The following SLC25A13 variants were observed in gnomAD, a reference collection of about 807,000 sequenced individuals.
The protein encoded by SLC25A13 is electrogenic aspartate/glutamate antiporter SLC25A13, mitochondrial.
Under a neutral mutation model 85.5 loss-of-function variants are expected in SLC25A13, and 70 were observed. The observed-to-expected ratio is 0.82, with a 90% CI of 0.68 to 1.00. The LOEUF (loss-of-function observed/expected upper bound fraction) is 1.00. SLC25A13 is among the 50% of genes least tolerant of loss of function. SLC25A13 has a pLI of 0.00. For missense variants in SLC25A13, 765 were observed against 819.8 expected, an observed-to-expected ratio of 0.93 and a Z score of 0.82; for synonymous variants, 259 against 288.7, an observed-to-expected ratio of 0.90 and a Z score of 1.04.
intron 15 of SLC25A13, among the ~76,000 whole-genome samples, chr7:96,130,400 A>C (rs1488070039): frequency 6.6e-6 from 1 of 152,222 alleles, no homozygotes; most frequent in Non-Finnish European, 1.5e-5. Flanking sequence ...GAACTATGCC[A>C]AGTCTTTCAC....
At chr7:96,267,017 T>A (rs1018556511) in intron 3 of SLC25A13, among the ~76,000 whole-genome samples, 1 of 152,244 alleles carries the variant, frequency 6.6e-6, no homozygotes, top group African/African-American at 2.4e-5. Context: ...GAATTTTAGA[T>A]GTTTATCTGA....
chr7:96,201,004 G>A (rs141979071), intron 5 of SLC25A13, among the ~76,000 whole-genome samples: 1 of 152,210 alleles, frequency 6.6e-6, no homozygotes, highest in African/African-American at 2.4e-5. Context: ...CTTCCATTTG[G>A]ACACAAAACA....
chr7:96,319,274 C>T (rs945312821), intron 1 of SLC25A13, among the ~76,000 whole-genome samples: 3 of 152,104 alleles, frequency 2.0e-5, no homozygotes, highest in Non-Finnish European at 2.9e-5. Flanking sequence ...CTCGGCTGGG[C>T]GTGGTGGCTC....
chr7:96,132,321 G>A (rs1354417562), intron 14 of SLC25A13, among the ~76,000 whole-genome samples: 3 of 152,030 alleles, frequency 2.0e-5, no homozygotes, highest in Admixed American at 6.5e-5. Flanking sequence ...GGGGAAAAGG[G>A]GTTTGCTTTT....
chr7:96,178,642 A>T (rs1160869648), intron 11 of SLC25A13, among the ~76,000 whole-genome samples: 1 of 151,868 alleles, frequency 6.6e-6, no homozygotes, highest in Non-Finnish European at 1.5e-5. Context: ...TCCCCGAGAA[A>T]CCCCTTTGCT....
At chr7:96,235,057 C>A in intron 3 of SLC25A13, 140 bp from the exon 4 acceptor site, 1 of 632,940 alleles carries the variant, frequency 1.6e-6, no homozygotes. Flanking sequence ...AAACATTTAG[C>A]ATTTACTTTT....
intron 5 of SLC25A13, among the ~76,000 whole-genome samples, chr7:96,205,200 G>A (rs1012408299): frequency 6.6e-6 from 1 of 152,128 alleles, no homozygotes; most frequent in African/African-American, 2.4e-5. Context: ...GAGCCACCAC[G>A]CCCAGCCCAT....
intron 4 of SLC25A13, among the ~76,000 whole-genome samples, chr7:96,211,982 T>C (rs1480133653): frequency 6.6e-6 from 1 of 152,194 alleles, no homozygotes; most frequent in Non-Finnish European, 1.5e-5. Context: ...AAGGGTTAGA[T>C]TCACTCCTAA....
At chr7:96,312,309 C>T (rs772718142) in intron 1 of SLC25A13, among the ~76,000 whole-genome samples, 1 of 152,174 alleles carries the variant, frequency 6.6e-6, no homozygotes, top group Non-Finnish European at 1.5e-5. Context: ...AGAGCACTTA[C>T]ATGTCATAGG....
At chr7:96,170,501 T>A (rs1793950860) in intron 12 of SLC25A13, among the ~76,000 whole-genome samples, 1 of 152,234 alleles carries the variant, frequency 6.6e-6, no homozygotes. Context: ...CTTTCAAGTC[T>A]TCTAACAAGA....
At chr7:96,154,790 A>G (rs1214650693) in intron 13 of SLC25A13, among the ~76,000 whole-genome samples, 1 of 141,538 alleles carries the variant, frequency 7.1e-6, no homozygotes, top group Non-Finnish European at 1.5e-5. Context: ...GATACATTTC[A>G]GCATCTTTTT....
intron 3 of SLC25A13, among the ~76,000 whole-genome samples, chr7:96,263,791 A>T (rs1368865202): frequency 1.3e-5 from 2 of 151,906 alleles, no homozygotes; most frequent in African/African-American, 4.8e-5. Flanking sequence ...CCTTTCTTTC[A>T]TCCTTCCTCA....
chr7:96,199,619 A>G (rs995445094), intron 5 of SLC25A13, among the ~76,000 whole-genome samples: 1 of 152,134 alleles, frequency 6.6e-6, no homozygotes, highest in Non-Finnish European at 1.5e-5. Context: ...AGTTCCACTC[A>G]AGTACATGAA....
At chr7:96,280,507 G>C (rs1798632346) in intron 2 of SLC25A13, among the ~76,000 whole-genome samples, 2 of 152,202 alleles carry the variant, frequency 1.3e-5, no homozygotes, top group African/African-American at 4.8e-5. Flanking sequence ...CTTGAGCCCA[G>C]GAGTTCAAGA....
intron 4 of SLC25A13, among the ~76,000 whole-genome samples, chr7:96,210,721 T>G (rs974441138): frequency 1.3e-5 from 2 of 152,112 alleles, no homozygotes; most frequent in Admixed American, 1.3e-4. Flanking sequence ...CTAATCTAGA[T>G]GAATAAATTA....
intron 2 of SLC25A13, among the ~76,000 whole-genome samples, chr7:96,293,367 G>A (rs1484496266): frequency 5.9e-5 from 9 of 152,182 alleles, no homozygotes; most frequent in Admixed American, 5.2e-4. Flanking sequence ...ACACAGGCAT[G>A]GGCAAGGACC....
chr7:96,232,904 T>C (rs573364380), intron 4 of SLC25A13, among the ~76,000 whole-genome samples: 3 of 152,324 alleles, frequency 2.0e-5, no homozygotes, highest in East Asian at 1.9e-4. Context: ...CCTTCTACAA[T>C]TCAAAGACAG....
At chr7:96,134,311 C>G (rs970303633) in intron 14 of SLC25A13, among the ~76,000 whole-genome samples, 1 of 152,130 alleles carries the variant, frequency 6.6e-6, no homozygotes, top group Admixed American at 6.5e-5. Context: ...GCTGGGATTA[C>G]AGGCATTGAG....
intron 7 of SLC25A13, 111 bp from the exon 8 acceptor site, chr7:96,189,785 A>G (rs772690046): frequency 6.5e-6 from 6 of 918,716 alleles, no homozygotes; most frequent in Non-Finnish European, 1.1e-5. Context: ...TATTATTATC[A>G]TCAGTTGTAG....
Sources: allele counts gnomAD v4.1 joint callset (sites outside exome capture counted in the v4.1 genomes callset), GRCh38; gene constraint gnomAD v4.1.1; transcripts MANE v1.5; gene names NCBI Gene and HGNC (gene_info 2026-07-23, HGNC 2026-07-21).